Variants in FAM200B observed in about 807,000 individuals in gnomAD.
The protein encoded by FAM200B is zinc finger BED-type containing 11, also known as protein FAM200B.
A neutral mutation model predicts 33.1 loss-of-function variants in FAM200B; 32 were observed. The ratio of observed to expected loss-of-function variants is 0.97; its 90% confidence interval spans 0.73 to 1.30. The LOEUF (loss-of-function observed/expected upper bound fraction) is 1.30, where lower values mean the gene tolerates loss of function less well. FAM200B is among the 50% of genes most tolerant of loss of function. FAM200B has a pLI of 0.00. For missense variants in FAM200B, 741 were observed against 754.0 expected, an observed-to-expected ratio of 0.98 and a Z score of 0.20; for synonymous variants, 240 against 264.8, an observed-to-expected ratio of 0.91 and a Z score of 0.91.
chr4:15,681,685 C>T (rs1718287925), upstream of FAM200B: 1 of 152,836 alleles, frequency 6.5e-6, no homozygotes, highest in South Asian at 2.1e-4. Flanking sequence ...AAAGTGGAGC[C>T]TGCACCGCCC....
In FAM200B at chr4:15,687,027, C is replaced by T. The variant is rs1303888886; in HGVS notation, c.50C>T (p.Thr17Ile). ...AAGAGGAATAGTGAAGTGAAATATACAGAAGCATGTTCAAGTTCATCTGTT... is the reference window on the plus strand; with the variant it reads ...AAGAGGAATAGTGAAGTGAAATATATAGAAGCATGTTCAAGTTCATCTGTT... ...KRKRNSEVKY[T>I]EACSSSSVES... The change falls in exon 2 of 2, where the codon ACA (threonine) becomes ATA (isoleucine). Residue 17 changes from threonine to isoleucine, a missense_variant. By Grantham distance (89) the Thr-to-Ile change is moderately conservative. Transcript: ENST00000422728. The T allele has an allele frequency of 2.0e-6, 3 of 1,507,342 alleles. No individual in the cohort carries two copies. The highest frequency in any genetic ancestry group is 1.4e-5 in the African/African-American group (1 of 71,612). The allele number at this position is 1,507,342 out of a possible 1,614,324, so 93.4% of individuals were successfully genotyped here.
chr4:15,680,962 T>C (rs12642407), upstream of FAM200B, among the ~76,000 whole-genome samples: 36,093 of 147,160 alleles, frequency 0.25, 4,616 homozygotes, highest in African/African-American at 0.29. Flanking sequence ...TTGTTTCACA[T>C]ATATATATAA....
At chr4:15,677,605 G>A (rs889279088), upstream of FAM200B, among the ~76,000 whole-genome samples, 2 of 152,186 alleles carry the variant, frequency 1.3e-5, no homozygotes, top group Non-Finnish European at 2.9e-5. Context: ...ATCATTGGAA[G>A]CTCAAGGGGC....
At chr4:15,653,975 T>A in the FAM200B span, among the ~76,000 whole-genome samples, 1 of 152,244 alleles carries the variant, frequency 6.6e-6, no homozygotes, top group Non-Finnish European at 1.5e-5. Context: ...ACAGTCCTGG[T>A]GTTTCCAACT....
the FAM200B span, among the ~76,000 whole-genome samples, chr4:15,667,178 G>A: frequency 5.9e-5 from 9 of 152,252 alleles, no homozygotes; most frequent in South Asian, 8.3e-4. Context: ...AATACACGTC[G>A]TAGTACTTAG....
At chr4:15,638,531 G>C in the FAM200B span, 1 of 1,594,482 alleles carries the variant, frequency 6.3e-7, no homozygotes, top group South Asian at 1.1e-5. Flanking sequence ...TTCATCCACG[G>C]AATATTTAAA....
the FAM200B span, among the ~76,000 whole-genome samples, chr4:15,666,312 T>C: frequency 3.3e-5 from 5 of 152,024 alleles, no homozygotes; most frequent in East Asian, 9.7e-4. Context: ...GGTGGGAAGA[T>C]TGCTTGAGCC....
chr4:15,688,135 T>G lies in FAM200B; in HGVS notation c.1158T>G (p.Ile386Met). Residue 386 changes from isoleucine (I) to methionine (M), a missense_variant, in exon 2 of 2, where the codon ATT becomes ATG. Physicochemically the swap from Ile to Met is conservative, Grantham distance 10 (BLOSUM62 1). Coordinates refer to ENST00000422728, the MANE Select transcript of FAM200B (RefSeq NM_001145191.2). The stretch of plus-strand genomic sequence containing the variant: ...CCCACTTACTATATCATACCAAAAT[T>G]CGTTGGTTGTCTCAAGGGAAAATAC... ...NHTHLLYHTK[I>M]RWLSQGKILS... 1.3e-6 allele frequency: 2 copies of G among 1,551,184 alleles called. No individual in the cohort carries two copies. The highest frequency in any genetic ancestry group is 1.7e-6 in the Non-Finnish European group (2 of 1,146,644).
At chr4:15,644,706 A>C in the FAM200B span, 4 of 1,603,138 alleles carry the variant, frequency 2.5e-6, no homozygotes, top group Non-Finnish European at 3.4e-6. Flanking sequence ...TGGTTTTAGA[A>C]AGCTGAATAA....
the FAM200B span, among the ~76,000 whole-genome samples, chr4:15,661,601 G>C: frequency 5.9e-5 from 9 of 152,170 alleles, no homozygotes; most frequent in African/African-American, 2.2e-4. Context: ...ACAGAAAATA[G>C]AAAATAACAG....
At chr4:15,659,869 G>T in the FAM200B span, 1 of 242,440 alleles carries the variant, frequency 4.1e-6, no homozygotes, top group African/African-American at 2.3e-5. Context: ...GCTACTCTCA[G>T]GGACAACTTG....
chr4:15,682,198 C>G (rs1718363492), intron 1 of FAM200B, among the ~76,000 whole-genome samples: 1 of 152,178 alleles, frequency 6.6e-6, no homozygotes, highest in South Asian at 2.1e-4. Context: ...TGGCAGTTTC[C>G]ACTCTTAAGG....
In FAM200B at chr4:15,690,246, C is replaced by G. The variant is rs1719270137; in HGVS notation, c.*1295C>G. On this transcript the variant is annotated 3_prime_UTR_variant, in exon 2 of 2. Transcript: ENST00000422728. ...AATGTAGTCTTCAAACTAATTTCAA[C>G]TTCTGCCTTTCTGTGTACTCCCTTA... is the stretch of plus-strand genomic sequence containing the variant. 1 of 167,050 alleles carries G rather than the reference C, an allele frequency of 6.0e-6. No homozygotes were observed. 10.3% of individuals were successfully genotyped at this position (167,050 alleles called of 1,614,324 possible). A position where few individuals can be genotyped will look rare whatever the true frequency, so the allele number is the denominator to read the frequency against.
the FAM200B span, chr4:15,659,816 G>T: frequency 2.5e-6 from 2 of 805,580 alleles, no homozygotes; most frequent in Non-Finnish European, 3.0e-6. Context: ...CTGACTTGTA[G>T]GGAGAAAGAA....
At position 15,687,392 on chromosome 4, in the gene FAM200B, TCTA is replaced by T. The variant is rs542795054; in HGVS notation, c.418_420del (p.Thr140del). ...GTTATCAACACAATTTCTTAGTTGT[TCTA>T]CTGCTGTTAGTGAGAAAGCCTTATT... is the stretch of plus-strand genomic sequence containing the variant. On this transcript the variant is annotated inframe_deletion, in exon 2 of 2. Coordinates refer to ENST00000422728, the MANE Select transcript of FAM200B (RefSeq NM_001145191.2). The T allele has an allele frequency of 8.7e-4, 1,351 of 1,547,924 alleles. 6 individuals carry two copies. In the African/African-American group the frequency reaches 0.011, roughly 12 times the overall value.
the FAM200B span, among the ~76,000 whole-genome samples, chr4:15,643,040 C>T: frequency 3.3e-5 from 5 of 151,982 alleles, no homozygotes; most frequent in African/African-American, 9.7e-5. Flanking sequence ...TCAGATTTGT[C>T]GAAGGTGTAT....
At chr4:15,641,398 A>G in the FAM200B span, 5 of 349,870 alleles carry the variant, frequency 1.4e-5, no homozygotes, top group Non-Finnish European at 2.2e-5. Context: ...CTTCCTCCTC[A>G]GCCTACTCAA....
chr4:15,688,753 A>G lies in FAM200B; in HGVS notation c.1776A>G (p.Pro592=), dbSNP rs1355684433. 2 of 1,550,338 alleles carry G rather than the reference A, an allele frequency of 1.3e-6. No individual in the cohort carries two copies. The change falls in exon 2 of 2, where the codon CCA becomes CCG. Residue 592 remains proline (P), a synonymous_variant. Transcript: ENST00000422728. ...AFWMKVKEDF[P]LLSRKSVLLL... is the part of the protein sequence containing the mutation. ...GGATGAAGGTAAAGGAAGACTTTCC[A>G]TTGTTAAGTAGAAAGAGTGTCCTGC... is the stretch of plus-strand genomic sequence containing the variant.
chr4:15,660,817 G>A, the FAM200B span, among the ~76,000 whole-genome samples: 36 of 152,310 alleles, frequency 2.4e-4, no homozygotes, highest in African/African-American at 7.9e-4. Flanking sequence ...GGTGGCTCAC[G>A]CCTGTAATCC....
Sources: allele counts gnomAD v4.1 joint callset (sites outside exome capture counted in the v4.1 genomes callset), GRCh38; gene constraint gnomAD v4.1.1; transcripts MANE v1.5; gene names NCBI Gene and HGNC (gene_info 2026-07-23, HGNC 2026-07-21).